KLHL13: variants seen among roughly 807,000 people sequenced by gnomAD.
KLHL13 encodes the protein kelch like family member 13.
A neutral mutation model predicts 37.1 loss-of-function variants in KLHL13; 10 were observed. The observed-to-expected ratio is 0.27, with a 90% CI of 0.17 to 0.46. KLHL13 has a LOEUF of 0.46. Ranked by LOEUF, KLHL13 falls within the 20% of genes least tolerant of loss-of-function variation. The pLI, the probability that KLHL13 is intolerant of heterozygous loss-of-function variation, is 1.00. For missense variants in KLHL13, 360 were observed against 509.3 expected, an observed-to-expected ratio of 0.71 and a Z score of 2.82; for synonymous variants, 163 against 181.2, an observed-to-expected ratio of 0.90 and a Z score of 0.81.
chrX:117,918,239 G>C (rs1323779411), intron 4 of KLHL13, among the ~76,000 whole-genome samples: 1 of 111,684 alleles, frequency 9.0e-6, no homozygotes, highest in Non-Finnish European at 1.9e-5. Flanking sequence ...TGAGACAGCA[G>C]TCTGAGTTTT....
chrX:117,970,400 T>C (rs2053504788), intron 1 of KLHL13, among the ~76,000 whole-genome samples: 1 of 111,544 alleles, frequency 9.0e-6, no homozygotes. Context: ...ATATCACGAT[T>C]TATTGAGGAG....
intron 1 of KLHL13, among the ~76,000 whole-genome samples, chrX:118,027,727 T>G (rs1247648696): frequency 9.1e-6 from 1 of 110,273 alleles, no homozygotes; most frequent in African/African-American, 3.3e-5. Flanking sequence ...AACCCTGCAA[T>G]GTAGGTACTA....
chrX:117,953,177 T>C (rs1383414086), intron 1 of KLHL13, among the ~76,000 whole-genome samples: 1 of 110,505 alleles, frequency 9.0e-6, no homozygotes, highest in Non-Finnish European at 1.9e-5. Flanking sequence ...AATGATAGAC[T>C]GGATTAAGAA....
chrX:118,055,273 G>A (rs1043409046), intron 1 of KLHL13, among the ~76,000 whole-genome samples: 25 of 111,940 alleles, frequency 2.2e-4, no homozygotes, highest in Admixed American at 2.2e-3. Flanking sequence ...CAGACCCACA[G>A]TTCAACAATA....
chrX:117,991,575 C>T (rs143717578), intron 1 of KLHL13, among the ~76,000 whole-genome samples: 1 of 111,066 alleles, frequency 9.0e-6, no homozygotes, highest in African/African-American at 3.3e-5. Flanking sequence ...CCCTCAACCC[C>T]CAGCCCCACC....
chrX:117,919,222 C>G (rs1931553683), intron 4 of KLHL13, among the ~76,000 whole-genome samples: 1 of 112,049 alleles, frequency 8.9e-6, no homozygotes, highest in East Asian at 2.8e-4. Flanking sequence ...CGGGCTTTCT[C>G]CATGTTGGTC....
intron 1 of KLHL13, among the ~76,000 whole-genome samples, chrX:118,101,859 G>A (rs1390661242): frequency 8.9e-6 from 1 of 111,790 alleles, no homozygotes; most frequent in Non-Finnish European, 1.9e-5. Flanking sequence ...GAAGGTGCTT[G>A]CTTCCCCTTC....
At chrX:117,981,857 T>G (rs1044183945) in intron 1 of KLHL13, among the ~76,000 whole-genome samples, 15 of 111,364 alleles carry the variant, frequency 1.3e-4, no homozygotes, top group Non-Finnish European at 5.7e-5. Context: ...AGCACATTTA[T>G]TAATTAGGAC....
At chrX:118,085,841 G>GTGTA (rs2055048978) in intron 1 of KLHL13, among the ~76,000 whole-genome samples, 1 of 98,428 alleles carries the variant, frequency 1.0e-5, no homozygotes. Context: ...GTGTGTGTGT[G>GTGTA]TATCATATAT....
At chrX:118,092,648 A>G (rs1041882277) in intron 1 of KLHL13, among the ~76,000 whole-genome samples, 2 of 111,828 alleles carry the variant, frequency 1.8e-5, no homozygotes, top group Non-Finnish European at 3.8e-5. Context: ...TCAATACAAC[A>G]AATTTTCTTT....
At chrX:118,014,800 C>T (rs898634211) in intron 1 of KLHL13, among the ~76,000 whole-genome samples, 1 of 112,107 alleles carries the variant, frequency 8.9e-6, no homozygotes, top group African/African-American at 3.2e-5. Context: ...TCCCCCAATA[C>T]CCCCAAAATG....
chrX:117,901,573 C>T (rs374747697), intron 6 of KLHL13, among the ~76,000 whole-genome samples: 9 of 106,878 alleles, frequency 8.4e-5, no homozygotes, highest in Non-Finnish European at 1.5e-4. Context: ...GGCGCAATCT[C>T]GGCTCACTGC....
intron 1 of KLHL13, among the ~76,000 whole-genome samples, chrX:117,965,067 T>C (rs1432558022): frequency 8.9e-6 from 1 of 112,183 alleles, no homozygotes; most frequent in Non-Finnish European, 1.9e-5. Flanking sequence ...TGTGTCTTTA[T>C]AGCAGCATAA....
chrX:117,915,302 A>G (rs1202784778), intron 4 of KLHL13, among the ~76,000 whole-genome samples: 1 of 111,858 alleles, frequency 8.9e-6, no homozygotes, highest in Non-Finnish European at 1.9e-5. Flanking sequence ...GTCTTCTCCA[A>G]TGACTTCTGA....
chrX:117,990,951 G>C (rs1461940437), intron 1 of KLHL13, among the ~76,000 whole-genome samples: 1 of 110,440 alleles, frequency 9.1e-6, no homozygotes, highest in Non-Finnish European at 1.9e-5. Context: ...ACAATATAAA[G>C]AATAAAAGAC....
chrX:118,033,780 A>G (rs1240514036), intron 1 of KLHL13, among the ~76,000 whole-genome samples: 1 of 110,697 alleles, frequency 9.0e-6, no homozygotes, highest in Non-Finnish European at 1.9e-5. Context: ...GCTCCAATTA[A>G]AAGACACAGA....
At chrX:118,083,469 A>C (rs1229669516) in intron 1 of KLHL13, among the ~76,000 whole-genome samples, 13 of 112,034 alleles carry the variant, frequency 1.2e-4, no homozygotes. Flanking sequence ...TAAGTGAAAT[A>C]AGACAAGAAC....
intron 1 of KLHL13, among the ~76,000 whole-genome samples, chrX:117,982,244 GT>G (rs1033437990): frequency 3.6e-5 from 4 of 110,594 alleles, no homozygotes; most frequent in African/African-American, 9.8e-5. Context: ...TTTCTATACA[GT>G]TTTTTAAATT....
chrX:118,024,249 T>C (rs1320112428), intron 1 of KLHL13, among the ~76,000 whole-genome samples: 1 of 112,262 alleles, frequency 8.9e-6, no homozygotes. Flanking sequence ...ATCTAGGCCA[T>C]ACATTCACTT....
Sources: gnomAD v4.1 joint callset for allele counts (sites outside exome capture counted in the v4.1 genomes callset) on GRCh38, gnomAD v4.1.1 for gene constraint, MANE v1.5 for transcripts, NCBI Gene and HGNC (gene_info 2026-07-23, HGNC 2026-07-21) for gene names.